SCN11A: variants seen among roughly 807,000 people sequenced by gnomAD.
SCN11A encodes the protein sodium voltage-gated channel alpha subunit 11, also known as sodium channel protein type 11 subunit alpha.
SCN11A carries 122 observed loss-of-function variants against 162.2 expected under a neutral mutation model. That is an observed-to-expected ratio of 0.75 (90% confidence interval 0.65 to 0.87). The LOEUF (loss-of-function observed/expected upper bound fraction) is 0.87, where lower values mean the gene tolerates loss of function less well. Ranked by LOEUF, SCN11A falls within the 40% of genes least tolerant of loss-of-function variation. The probability of loss-of-function intolerance (pLI) is 0.00; values close to 1 mark genes in which losing one functional copy is unlikely to be tolerated. For missense variants in SCN11A, 2,015 were observed against 2,181.6 expected (o/e 0.92, Z 1.52); for synonymous variants, 758 against 751.5 (o/e 1.01, Z -0.14).
intron 2 of SCN11A, among the ~76,000 whole-genome samples, chr3:38,990,973 T>C (rs1037622505): frequency 4.6e-5 from 7 of 152,088 alleles, no homozygotes; most frequent in Admixed American, 1.3e-4. Context: ...CTGCTCCCCA[T>C]TCAGTGGCCA....
chr3:38,883,171 C>T (rs1326792794), intron 22 of SCN11A, 62 bp downstream of exon 22: 2 of 1,464,032 alleles, frequency 1.4e-6, no homozygotes, highest in Admixed American at 3.8e-5. Flanking sequence ...GAAGCCAAGT[C>T]AGAGTGCAGC....
At chr3:38,991,755 G>C (rs1283086269) in intron 2 of SCN11A, among the ~76,000 whole-genome samples, 1 of 151,964 alleles carries the variant, frequency 6.6e-6, no homozygotes, top group East Asian at 1.9e-4. Context: ...CACCTGCTGG[G>C]TCCTGGTAAG....
intron 2 of SCN11A, among the ~76,000 whole-genome samples, chr3:39,018,942 T>C (rs1367483588): frequency 2.6e-5 from 4 of 152,242 alleles, no homozygotes; most frequent in South Asian, 2.1e-4. Context: ...CTTTTGCCTT[T>C]AGCCTTCAAG....
At chr3:38,937,324 T>C (rs2066351797) in intron 7 of SCN11A, among the ~76,000 whole-genome samples, 1 of 150,624 alleles carries the variant, frequency 6.6e-6, no homozygotes, top group South Asian at 2.1e-4. Flanking sequence ...AAGGACTTCA[T>C]GTCTAAAACA....
chr3:38,871,451 C>T lies in SCN11A; in HGVS notation c.3753G>A (p.Leu1251=). The change falls in exon 25 of 30, where the codon CTG becomes CTA. Residue 1251 remains leucine, a synonymous_variant. Coordinates refer to ENST00000302328, the MANE Select transcript of SCN11A (RefSeq NM_001349253.2). The part of the protein sequence containing the change: ...DNVGNAYLAL[L]QVATFKGWMD... ...ACATACTGACTGTACTTACCACTTG[C>T]AGCAGAGCGAGGTAAGCATTTCCCA... 1 of 1,602,970 alleles carries T rather than the reference C, an allele frequency of 6.2e-7. No homozygotes were observed. Among genetic ancestry groups the T allele is most frequent in the Non-Finnish European group, 8.5e-7 (1 of 1,175,222 alleles).
At chr3:38,985,024 C>A (rs1313523983) in intron 2 of SCN11A, among the ~76,000 whole-genome samples, 1 of 150,324 alleles carries the variant, frequency 6.7e-6, no homozygotes, top group Non-Finnish European at 1.5e-5. Flanking sequence ...CACTAGGCTG[C>A]AGCAGACTAT....
In SCN11A at chr3:39,019,331, A is replaced by C. The variant is rs1301217388; in HGVS notation, c.-280+13049T>G. On this transcript the variant is annotated intron_variant, in intron 2 of 29. Coordinates refer to ENST00000302328, the MANE Select transcript of SCN11A (RefSeq NM_001349253.2). ...AGTGCTCAGGAGAATCATTTCCCAC[A>C]CCCTTTTGATTGCACCTCCAACCAA... 2.0e-5 allele frequency among the ~76,000 whole-genome samples: 3 copies of C among 151,734 alleles called. No individual in the cohort carries two copies. The East Asian group carries it at 5.8e-4, about 29-fold the overall frequency.
chr3:39,040,649 T>C (rs1306329281), intron 1 of SCN11A, among the ~76,000 whole-genome samples: 3 of 152,192 alleles, frequency 2.0e-5, no homozygotes, highest in African/African-American at 7.2e-5. Flanking sequence ...ATTAATGCTC[T>C]GAATGAGAAA....
At chr3:38,906,762 C>T (rs2065798400) in intron 14 of SCN11A, among the ~76,000 whole-genome samples, 2 of 152,140 alleles carry the variant, frequency 1.3e-5, no homozygotes, top group African/African-American at 4.8e-5. Context: ...AGTCATATCC[C>T]TCTCTTATAT....
intron 1 of SCN11A, among the ~76,000 whole-genome samples, chr3:39,034,101 G>A (rs1035016192): frequency 6.6e-6 from 1 of 152,184 alleles, no homozygotes; most frequent in African/African-American, 2.4e-5. Context: ...GGCGGAGGTT[G>A]CAGTGAGCCG....
intron 18 of SCN11A, among the ~76,000 whole-genome samples, chr3:38,895,892 C>A (rs62242262): frequency 0.091 from 13,906 of 152,176 alleles, 875 homozygotes; most frequent in Non-Finnish European, 0.13. Flanking sequence ...CTAGGCACAC[C>A]ATTTATTAGG....
chr3:39,046,821 A>G (rs1301959784), intron 1 of SCN11A, among the ~76,000 whole-genome samples: 1 of 152,178 alleles, frequency 6.6e-6, no homozygotes, highest in East Asian at 1.9e-4. Context: ...CCTAGGCTCA[A>G]GCAATCCTCC....
At chr3:38,852,708 G>A (rs576593910) in intron 28 of SCN11A, among the ~76,000 whole-genome samples, 3 of 151,946 alleles carry the variant, frequency 2.0e-5, no homozygotes, top group Non-Finnish European at 4.4e-5. Flanking sequence ...ATTGCTCTTC[G>A]TTTGTTTCGA....
intron 7 of SCN11A, among the ~76,000 whole-genome samples, chr3:38,931,291 C>CA (rs985059841): frequency 6.6e-6 from 1 of 152,216 alleles, no homozygotes; most frequent in Non-Finnish European, 1.5e-5. Flanking sequence ...CAGAGACAGA[C>CA]AGTCCCTACA....
intron 1 of SCN11A, among the ~76,000 whole-genome samples, chr3:39,045,922 C>G (rs540162655): frequency 6.6e-6 from 1 of 151,742 alleles, no homozygotes; most frequent in South Asian, 2.1e-4. Flanking sequence ...ATTCTCAGAA[C>G]TGATAAAGAA....
chr3:39,004,368 C>T (rs543310466), intron 2 of SCN11A, among the ~76,000 whole-genome samples: 4 of 152,240 alleles, frequency 2.6e-5, no homozygotes, highest in African/African-American at 7.2e-5. Context: ...CTATTCTGTT[C>T]CGCTGGTCTG....
At chr3:38,903,336 T>C (rs1386257397) in intron 16 of SCN11A, among the ~76,000 whole-genome samples, 1 of 152,124 alleles carries the variant, frequency 6.6e-6, no homozygotes, top group Non-Finnish European at 1.5e-5. Context: ...ATCTATCCAA[T>C]GAGAAACATA....
intron 2 of SCN11A, among the ~76,000 whole-genome samples, chr3:39,028,352 T>C (rs1379743050): frequency 6.6e-6 from 1 of 152,238 alleles, no homozygotes; most frequent in East Asian, 1.9e-4. Flanking sequence ...CTTCCCATGT[T>C]CTGACACTGT....
intron 19 of SCN11A, among the ~76,000 whole-genome samples, chr3:38,894,037 A>C (rs892558635): frequency 2.2e-4 from 34 of 152,248 alleles, no homozygotes; most frequent in Non-Finnish European, 4.4e-4. Context: ...TTGTTATAGC[A>C]GCCTGAATAG....
Sources: gnomAD v4.1 joint callset for allele counts (sites outside exome capture counted in the v4.1 genomes callset) on GRCh38, gnomAD v4.1.1 for gene constraint, MANE v1.5 for transcripts, NCBI Gene and HGNC (gene_info 2026-07-23, HGNC 2026-07-21) for gene names.